Variants in NDUFS4 observed in about 807,000 individuals in gnomAD.
NDUFS4 encodes NADH:ubiquinone oxidoreductase subunit S4.
A neutral mutation model predicts 24.3 loss-of-function variants in NDUFS4; 28 were observed. The ratio of observed to expected loss-of-function variants is 1.15; its 90% CI spans 0.85 to 1.58. The LOEUF (loss-of-function observed/expected upper bound fraction) is 1.58. Ranked by LOEUF, NDUFS4 falls within the 40% of genes most tolerant of loss-of-function variation. The pLI is 0.00. For synonymous variants in NDUFS4, 93 were observed against 69.7 expected, an observed-to-expected ratio of 1.34 and a Z score of -1.67; for missense variants, 223 against 207.9, an observed-to-expected ratio of 1.07 and a Z score of -0.45.
chr5:53,637,986 G>T (rs529104639), intron 2 of NDUFS4, among the ~76,000 whole-genome samples: 1 of 152,158 alleles, frequency 6.6e-6, no homozygotes, highest in African/African-American at 2.4e-5. Flanking sequence ...TAAAATGGCC[G>T]TGGTTAAAAG....
chr5:53,581,920 T>C (rs1749578676), intron 1 of NDUFS4, among the ~76,000 whole-genome samples: 1 of 152,164 alleles, frequency 6.6e-6, no homozygotes. Flanking sequence ...TTAAAATAAA[T>C]GTGAGCTAGG....
intron 1 of NDUFS4, among the ~76,000 whole-genome samples, chr5:53,585,379 A>G (rs1357294650): frequency 6.6e-6 from 1 of 152,172 alleles, no homozygotes; most frequent in Non-Finnish European, 1.5e-5. Flanking sequence ...AGTTTTTCCT[A>G]AACAGTATGA....
intron 2 of NDUFS4, among the ~76,000 whole-genome samples, chr5:53,606,731 A>AT (rs1423878181): frequency 1.5e-4 from 23 of 152,362 alleles, no homozygotes; most frequent in Middle Eastern, 3.4e-3. Context: ...TAAGCTCTGC[A>AT]TGAGAGATCT....
At chr5:53,570,684 CTTTTTTT>C (rs70983360) in intron 1 of NDUFS4, among the ~76,000 whole-genome samples, 1 of 119,864 alleles carries the variant, frequency 8.3e-6, no homozygotes, top group African/African-American at 3.2e-5. Context: ...ATTTTTTTTT[CTTTTTTT>C]TTTTTTTTTT....
chr5:53,575,535 T>A (rs1223723296), intron 1 of NDUFS4, among the ~76,000 whole-genome samples: 3 of 52,732 alleles, frequency 5.7e-5, no homozygotes, highest in Admixed American at 1.8e-4. Flanking sequence ...AGATTCTTTT[T>A]TTTTTTTTTT....
At chr5:53,613,115 G>T (rs886669644) in intron 2 of NDUFS4, among the ~76,000 whole-genome samples, 3 of 151,946 alleles carry the variant, frequency 2.0e-5, no homozygotes, top group African/African-American at 4.8e-5. Flanking sequence ...CCTCTAAGGG[G>T]TCAGTTTTCT....
intron 2 of NDUFS4, among the ~76,000 whole-genome samples, chr5:53,637,785 C>T (rs191218007): frequency 1.3e-5 from 2 of 151,992 alleles, no homozygotes; most frequent in Non-Finnish European, 1.5e-5. Flanking sequence ...TTTCTTCATT[C>T]GAGTTCTGGA....
intron 2 of NDUFS4, among the ~76,000 whole-genome samples, chr5:53,611,391 C>A (rs1228560512): frequency 6.6e-6 from 1 of 151,806 alleles, no homozygotes; most frequent in Non-Finnish European, 1.5e-5. Context: ...AAAATTGTGG[C>A]AAATCCTGGA....
intron 4 of NDUFS4, among the ~76,000 whole-genome samples, chr5:53,668,211 A>G (rs561526919): frequency 1.1e-3 from 168 of 152,322 alleles, no homozygotes; most frequent in Non-Finnish European, 1.7e-3. Flanking sequence ...TTGTATATCA[A>G]TTATCAAATA....
chr5:53,590,881 G>A (rs909270790), intron 1 of NDUFS4, among the ~76,000 whole-genome samples: 12 of 152,068 alleles, frequency 7.9e-5, no homozygotes, highest in Non-Finnish European at 2.9e-5. Flanking sequence ...TATATCTCCA[G>A]AACTTTTTCA....
chr5:53,591,472 G>GGC (rs1328176926), intron 1 of NDUFS4, among the ~76,000 whole-genome samples: 27 of 117,144 alleles, frequency 2.3e-4, no homozygotes, highest in African/African-American at 8.7e-4. Flanking sequence ...GGGGGGGGGG[G>GGC]GTGATAATAA....
chr5:53,622,064 C>G (rs761336856), intron 2 of NDUFS4, among the ~76,000 whole-genome samples: 5 of 152,106 alleles, frequency 3.3e-5, no homozygotes, highest in Non-Finnish European at 7.4e-5. Flanking sequence ...GAAGAAAAAT[C>G]TTTTGTACTT....
At chr5:53,572,528 G>A (rs1479385131) in intron 1 of NDUFS4, among the ~76,000 whole-genome samples, 1 of 151,978 alleles carries the variant, frequency 6.6e-6, no homozygotes, top group Non-Finnish European at 1.5e-5. Context: ...CAAAGTAAAA[G>A]TTTTAAATTT....
rs533261354 is a variant in NDUFS4 at position 53,638,148 on chromosome 5, C to T, written c.178-8085C>T. Among the ~76,000 whole-genome samples, 12 of 152,144 alleles carry T rather than the reference C, an allele frequency of 7.9e-5. No homozygotes were observed. The South Asian group carries it at 1.2e-3, about 16-fold the overall frequency. On this transcript the variant is annotated intron_variant, in intron 2 of 4. Transcript: ENST00000296684. ...TTTTGAAATGTCAATTTATGGAACACTCATTAATAATATACTCATAGATAA... is the reference window on the plus strand; with the variant it reads ...TTTTGAAATGTCAATTTATGGAACATTCATTAATAATATACTCATAGATAA...
intron 1 of NDUFS4, among the ~76,000 whole-genome samples, chr5:53,577,786 A>G (rs888996978): frequency 6.6e-6 from 1 of 151,684 alleles, no homozygotes; most frequent in Admixed American, 6.6e-5. Context: ...TTTCTTCTAT[A>G]TAATGTTATG....
intron 4 of NDUFS4, among the ~76,000 whole-genome samples, chr5:53,662,865 T>C (rs1217172073): frequency 6.6e-6 from 1 of 152,120 alleles, no homozygotes; most frequent in East Asian, 1.9e-4. Context: ...TCTGCTAGCT[T>C]TTTGAATGTG....
At chr5:53,568,639 C>T (rs1002707326) in intron 1 of NDUFS4, among the ~76,000 whole-genome samples, 7 of 152,244 alleles carry the variant, frequency 4.6e-5, no homozygotes, top group Admixed American at 4.6e-4. Context: ...GACTCTTATT[C>T]TTCCTTTTGG....
chr5:53,658,540 G>C lies in NDUFS4; in HGVS notation c.351-11G>C. ...AATGTTAAATCTTGGAAAAAAATTT[G>C]TTTCTTACAGGGCTGATCCCTTATC... On this transcript the variant is annotated splice_polypyrimidine_tract_variant and intron_variant, in intron 3 of 4. Transcript: ENST00000296684. 6.3e-7 allele frequency: 1 copy of C among 1,595,840 alleles called. No individual in the cohort carries two copies. Among genetic ancestry groups the C allele is most frequent in the Non-Finnish European group, 8.6e-7 (1 of 1,164,424 alleles).
At chr5:53,624,992 T>G (rs1375760596) in intron 2 of NDUFS4, among the ~76,000 whole-genome samples, 1 of 152,096 alleles carries the variant, frequency 6.6e-6, no homozygotes, top group Non-Finnish European at 1.5e-5. Context: ...TGAGATAGGG[T>G]CTCTGTGCAG....
Sources: gnomAD v4.1 joint callset for allele counts (sites outside exome capture counted in the v4.1 genomes callset) on GRCh38, gnomAD v4.1.1 for gene constraint, MANE v1.5 for transcripts, NCBI Gene and HGNC (gene_info 2026-07-23, HGNC 2026-07-21) for gene names.